The following TTC3 variants were observed in gnomAD, a reference collection of about 807,000 sequenced individuals.
TTC3 encodes the protein E3 ubiquitin-protein ligase TTC3.
In TTC3, 180 loss-of-function variants were observed where a neutral mutation model predicts 249.6. The observed-to-expected ratio is 0.72, with a 90% CI of 0.64 to 0.82. TTC3 has a LOEUF of 0.82. Among genes scored for constraint, TTC3 ranks in the 40% least tolerant of loss-of-function variants. The pLI is 0.00. For missense variants in TTC3, 2,061 were observed against 2,398.4 expected (o/e 0.86, Z 2.94); for synonymous variants, 717 against 805.0 (o/e 0.89, Z 1.85).
rs146543549 is a variant in TTC3 at position 37,161,421 on chromosome 21, G to T, written c.3096+563G>T. On this transcript the variant is annotated intron_variant, in intron 30 of 45. Coordinates refer to ENST00000355666, the Ensembl canonical transcript of TTC3. ...CTCCCGAGTAGCCGGAATGACAGGC[G>T]CATGCCACCATGCCCAGCTAATTTT... Among the ~76,000 whole-genome samples the T allele has an allele frequency of 3.1e-3, 466 of 152,268 alleles. 1 individual carries two copies. Among genetic ancestry groups the T allele is most frequent in the Middle Eastern group, 0.027 (8 of 294 alleles).
intron 28 of TTC3, chr21:37,157,362 T>G (rs1020286138): frequency 5.2e-6 from 2 of 383,196 alleles, no homozygotes; most frequent in African/African-American, 4.3e-5. Flanking sequence ...GTGGCACAGC[T>G]TCTTCCTTAG....
intron 29 of TTC3, 66 bp downstream of exon 29, chr21:37,159,811 A>C: frequency 6.7e-7 from 1 of 1,496,930 alleles, no homozygotes; most frequent in Non-Finnish European, 9.3e-7. Context: ...TGAGAAGGGG[A>C]CCCAGGCCAG....
intron 34 of TTC3, among the ~76,000 whole-genome samples, chr21:37,168,634 C>T (rs1040155766): frequency 2.0e-5 from 3 of 152,108 alleles, no homozygotes; most frequent in African/African-American, 7.2e-5. Flanking sequence ...GATTGGTTCT[C>T]CCTAAAGCTT....
At chr21:37,169,170 C>A (rs1657644073) in intron 34 of TTC3, among the ~76,000 whole-genome samples, 1 of 152,128 alleles carries the variant, frequency 6.6e-6, no homozygotes, top group African/African-American at 2.4e-5. Context: ...TAACAAGAGG[C>A]CTGGTTACTG....
chr21:37,180,517 A>G (rs1255867310), intron 35 of TTC3, among the ~76,000 whole-genome samples: 1 of 148,058 alleles, frequency 6.8e-6, no homozygotes, highest in African/African-American at 2.5e-5. Context: ...AGAACAAAAA[A>G]CCAAACACTG....
intron 37 of TTC3, 156 bp downstream of exon 37, chr21:37,185,930 A>G (rs978516964): frequency 3.2e-6 from 1 of 312,676 alleles, no homozygotes; most frequent in Non-Finnish European, 5.9e-6. Flanking sequence ...CATTTTAAAA[A>G]TTAATTTATA....
chr21:37,122,943 A>T (rs1228178856), intron 12 of TTC3, 40 bp from the exon 13 acceptor site: 1 of 1,598,646 alleles, frequency 6.3e-7, no homozygotes, highest in Admixed American at 1.7e-5. Flanking sequence ...TTGCCAATCC[A>T]TTGATTACTA....
intron 7 of TTC3, chr21:37,091,712 G>A (rs1358607708): frequency 6.4e-6 from 1 of 156,460 alleles, no homozygotes; most frequent in Admixed American, 6.5e-5. Flanking sequence ...CTCCCGAGTA[G>A]TTGAGACTAT....
At chr21:37,169,847 CA>C (rs58976598) in intron 34 of TTC3, among the ~76,000 whole-genome samples, 67 of 115,802 alleles carry the variant, frequency 5.8e-4, no homozygotes, top group Middle Eastern at 4.3e-3. Flanking sequence ...GACTCTGTCT[CA>C]AAAAAAAAAA....
intron 6 of TTC3, chr21:37,090,493 T>A: frequency 4.3e-6 from 3 of 690,564 alleles, no homozygotes; most frequent in Non-Finnish European, 5.3e-6. Flanking sequence ...CCCATGTACA[T>A]AGTGTAATTT....
chr21:37,173,432 C>T (rs1453159998), intron 35 of TTC3, among the ~76,000 whole-genome samples: 4 of 152,076 alleles, frequency 2.6e-5, no homozygotes, highest in Admixed American at 2.6e-4. Context: ...TTCTGTTAGT[C>T]AAGACTGATC....
At chr21:37,092,224 A>G (rs1284943677) in intron 7 of TTC3, among the ~76,000 whole-genome samples, 1 of 152,244 alleles carries the variant, frequency 6.6e-6, no homozygotes, top group Non-Finnish European at 1.5e-5. Flanking sequence ...TTGGCTTTTC[A>G]GTAGATGATG....
At chr21:37,154,844 T>C (rs563622008) in intron 27 of TTC3, among the ~76,000 whole-genome samples, 12 of 152,230 alleles carry the variant, frequency 7.9e-5, no homozygotes, top group South Asian at 6.2e-4. Flanking sequence ...TACAGGTGCC[T>C]GCCACCACGC....
intron 10 of TTC3, among the ~76,000 whole-genome samples, chr21:37,103,367 C>G (rs936169816): frequency 2.6e-5 from 4 of 152,068 alleles, no homozygotes; most frequent in Non-Finnish European, 5.9e-5. Context: ...AGTAAATAAC[C>G]GTTTGCATCT....
At chr21:37,091,260 A>G in intron 6 of TTC3, 33 bp from the exon 7 acceptor site, 1 of 1,597,012 alleles carries the variant, frequency 6.3e-7, no homozygotes, top group Non-Finnish European at 8.5e-7. Flanking sequence ...ATTAATAACC[A>G]AAGCCCCATT....
chr21:37,121,744 C>T (rs2147868056), intron 11 of TTC3, 73 bp from the exon 12 acceptor site: 2 of 1,379,678 alleles, frequency 1.4e-6, no homozygotes, highest in Non-Finnish European at 9.6e-7. Context: ...TCAAGCAAAA[C>T]ATTTTTCCTT....
At chr21:37,191,882 C>T (rs577240476) in intron 40 of TTC3, among the ~76,000 whole-genome samples, 2 of 152,306 alleles carry the variant, frequency 1.3e-5, no homozygotes, top group African/African-American at 4.8e-5. Context: ...AGCCACCGCG[C>T]CCAGCCGGAA....
chr21:37,127,898 C>T (rs1802328529), intron 15 of TTC3, among the ~76,000 whole-genome samples: 1 of 152,164 alleles, frequency 6.6e-6, no homozygotes, highest in Admixed American at 6.5e-5. Context: ...TGATGCAGTT[C>T]CAACAGCATA....
intron 1 of TTC3, chr21:37,082,707 A>C (rs939601200): frequency 2.0e-6 from 2 of 985,130 alleles, no homozygotes; most frequent in African/African-American, 3.5e-5. Flanking sequence ...AAAAACATCC[A>C]AAAAGTGTTT....
Sources: gnomAD v4.1 joint callset for allele counts (sites outside exome capture counted in the v4.1 genomes callset) on GRCh38, gnomAD v4.1.1 for gene constraint, MANE v1.5 for transcripts, NCBI Gene and HGNC (gene_info 2026-07-23, HGNC 2026-07-21) for gene names.